Variants in NPAS3 observed in about 807,000 individuals in gnomAD.
The protein encoded by NPAS3 is neuronal PAS domain-containing protein 3.
NPAS3 carries 14 observed loss-of-function variants against 73.1 expected under a neutral mutation model. That is an observed-to-expected ratio of 0.19 (90% CI 0.13 to 0.30). The LOEUF (loss-of-function observed/expected upper bound fraction) is 0.30. NPAS3 is among the 10% of genes least tolerant of loss of function. NPAS3 has a pLI of 1.00. For synonymous variants in NPAS3, 620 were observed against 541.5 expected (o/e 1.14, Z -2.01); for missense variants, 1,096 against 1,250.0 (o/e 0.88, Z 1.86).
chr14:33,024,835 T>C (rs1051772121), intron 1 of NPAS3, among the ~76,000 whole-genome samples: 1 of 152,226 alleles, frequency 6.6e-6, no homozygotes, highest in Non-Finnish European at 1.5e-5. Context: ...CACGTATTAC[T>C]TTTGTAATCA....
chr14:33,726,020 C>T (rs1182936870), intron 6 of NPAS3, among the ~76,000 whole-genome samples: 1 of 152,138 alleles, frequency 6.6e-6, no homozygotes, highest in African/African-American at 2.4e-5. Context: ...TTCAAAGGCT[C>T]ACCTCTCCTT....
chr14:32,975,763 A>T (rs2037640611), intron 1 of NPAS3, among the ~76,000 whole-genome samples: 1 of 152,134 alleles, frequency 6.6e-6, no homozygotes, highest in African/African-American at 2.4e-5. Flanking sequence ...AACAAAACAA[A>T]ACAACAGCAA....
chr14:33,431,822 C>T (rs376892709), intron 4 of NPAS3, among the ~76,000 whole-genome samples: 9 of 151,884 alleles, frequency 5.9e-5, no homozygotes, highest in Admixed American at 5.9e-4. Context: ...GGTCCCCTCT[C>T]CTAACCCCAC....
At chr14:33,426,344 G>C (rs921255448) in intron 4 of NPAS3, among the ~76,000 whole-genome samples, 94 of 152,028 alleles carry the variant, frequency 6.2e-4, no homozygotes, top group Non-Finnish European at 7.4e-5. Flanking sequence ...TGTGGTGGAG[G>C]TAAGAGCTAA....
chr14:33,800,708 G>C lies in NPAS3; in HGVS notation c.2401G>C (p.Val801Leu). 6.5e-7 allele frequency: 1 copy of C among 1,548,826 alleles called. No homozygotes were observed. The highest frequency in any genetic ancestry group is 8.7e-7 in the Non-Finnish European group (1 of 1,149,116). The change falls in exon 12 of 12, where the codon GTC (valine) becomes CTC (leucine). Residue 801 changes from valine (V) to leucine (L), a missense_variant. Transcript: ENST00000356141. This position sits in a 1 kb window ranked among gnomAD's most constrained non-coding sequence, Gnocchi z 6.5. Reference sequence around the variant, plus strand: ...GCTGCAGAGGTTGCAGGCGGGCAACGTCGTGCTCCCGCTGGTGCACAGGGT... The same window carrying C: ...GCTGCAGAGGTTGCAGGCGGGCAACCTCGTGCTCCCGCTGGTGCACAGGGT...
chr14:33,676,576 T>G (rs1203855438), intron 6 of NPAS3, among the ~76,000 whole-genome samples, 191 bp downstream of exon 6: 1 of 152,210 alleles, frequency 6.6e-6, no homozygotes, highest in African/African-American at 2.4e-5. Context: ...ATAAGTATAA[T>G]CCAGAGATCT....
chr14:33,006,325 A>G (rs932763432), intron 1 of NPAS3, among the ~76,000 whole-genome samples: 3 of 152,150 alleles, frequency 2.0e-5, no homozygotes, highest in African/African-American at 7.2e-5. Flanking sequence ...TAACACTAGG[A>G]CAACCTGGTG....
intron 4 of NPAS3, among the ~76,000 whole-genome samples, chr14:33,524,888 T>G (rs1595084878): frequency 6.6e-6 from 1 of 152,268 alleles, no homozygotes; most frequent in Non-Finnish European, 1.5e-5. Flanking sequence ...AATGTCTTCT[T>G]TTTATATAGA....
intron 5 of NPAS3, among the ~76,000 whole-genome samples, chr14:33,585,279 C>T (rs2056822898): frequency 1.3e-5 from 2 of 151,858 alleles, no homozygotes; most frequent in East Asian, 1.9e-4. Context: ...GAAGGTCTGA[C>T]GAAGGTTAGC....
chr14:33,328,417 T>A lies in NPAS3; in HGVS notation c.386-38769T>A, dbSNP rs902409341. ...GTTTTTTCTCTATTTTATTTATTGATGTTTTTATCTTTCTTTTCCTTTTCT... is the reference window on the plus strand; with the variant it reads ...GTTTTTTCTCTATTTTATTTATTGAAGTTTTTATCTTTCTTTTCCTTTTCT... On this transcript the variant is annotated intron_variant, in intron 3 of 11. Transcript: ENST00000356141. Among the ~76,000 whole-genome samples, 8 of 149,668 alleles carry A rather than the reference T, an allele frequency of 5.3e-5. No individual in the cohort carries two copies. In the East Asian group the frequency reaches 1.5e-3, roughly 29 times the overall value.
intron 5 of NPAS3, among the ~76,000 whole-genome samples, chr14:33,565,560 T>C (rs563650324): frequency 1.6e-4 from 25 of 152,324 alleles, no homozygotes; most frequent in Middle Eastern, 3.4e-3. Flanking sequence ...TTGAGGTTAG[T>C]ATGTGGCTAA....
intron 6 of NPAS3, among the ~76,000 whole-genome samples, chr14:33,702,633 TTACAG>T (rs1201594079): frequency 3.9e-5 from 6 of 152,208 alleles, no homozygotes; most frequent in Admixed American, 1.3e-4. Flanking sequence ...TGACTCATAA[TTACAG>T]GGGTTATCTT....
intron 4 of NPAS3, among the ~76,000 whole-genome samples, chr14:33,416,393 A>G (rs141132065): frequency 6.6e-6 from 1 of 152,076 alleles, no homozygotes; most frequent in Non-Finnish European, 1.5e-5. Context: ...TTAAAATCCT[A>G]AACGATAACA....
intron 2 of NPAS3, among the ~76,000 whole-genome samples, chr14:33,139,682 C>T (rs1471051818): frequency 1.3e-5 from 2 of 152,148 alleles, no homozygotes; most frequent in Non-Finnish European, 2.9e-5. Context: ...TAGCCATTAG[C>T]CCTATGTGGC....
At chr14:33,348,947 T>C (rs1594747729) in intron 3 of NPAS3, among the ~76,000 whole-genome samples, 1 of 152,138 alleles carries the variant, frequency 6.6e-6, no homozygotes, top group South Asian at 2.1e-4. Context: ...CATTTCCTAC[T>C]TGAGTTTTCA....
intron 7 of NPAS3, among the ~76,000 whole-genome samples, chr14:33,758,648 C>T (rs900134600): frequency 2.0e-5 from 3 of 152,236 alleles, no homozygotes; most frequent in Admixed American, 6.5e-5. Context: ...TTCATTTAAA[C>T]ATTGCATATT....
chr14:32,936,229 T>C (rs2035690853), upstream of NPAS3, among the ~76,000 whole-genome samples: 2 of 152,132 alleles, frequency 1.3e-5, no homozygotes, highest in South Asian at 4.1e-4. Flanking sequence ...ACACACTGAG[T>C]GTTTTCCAAG....
At chr14:32,966,178 T>C (rs893993975) in intron 1 of NPAS3, among the ~76,000 whole-genome samples, 1 of 152,178 alleles carries the variant, frequency 6.6e-6, no homozygotes, top group Non-Finnish European at 1.5e-5. Flanking sequence ...AATGAGATTC[T>C]TTATAGAAAT....
intron 5 of NPAS3, among the ~76,000 whole-genome samples, chr14:33,657,852 A>G (rs1567096303): frequency 6.6e-6 from 1 of 152,176 alleles, no homozygotes; most frequent in Non-Finnish European, 1.5e-5. Flanking sequence ...CAGTCAGTGG[A>G]TAACATCTAG....
Sources: allele counts gnomAD v4.1 joint callset (sites outside exome capture counted in the v4.1 genomes callset), GRCh38; gene constraint gnomAD v4.1.1; non-coding constraint Gnocchi (gnomAD v3.1); transcripts MANE v1.5; gene names NCBI Gene and HGNC (gene_info 2026-07-23, HGNC 2026-07-21).